The following SPATS2 variants were observed in gnomAD, a reference collection of about 807,000 sequenced individuals.
SPATS2 encodes spermatogenesis associated serine rich 2.
Under a neutral mutation model 63.7 loss-of-function variants are expected in SPATS2, and 38 were observed. The ratio of observed to expected loss-of-function variants is 0.60; its 90% confidence interval spans 0.46 to 0.78. The LOEUF is 0.78. Among genes scored for constraint, SPATS2 ranks in the 30% least tolerant of loss-of-function variants. The pLI is 0.00. For synonymous variants in SPATS2, 207 were observed against 232.9 expected, an observed-to-expected ratio of 0.89 and a Z score of 1.01; for missense variants, 588 against 666.2, an observed-to-expected ratio of 0.88 and a Z score of 1.29.
intron 2 of SPATS2, among the ~76,000 whole-genome samples, chr12:49,434,264 G>T (rs566150302): frequency 6.6e-6 from 1 of 152,180 alleles, no homozygotes; most frequent in South Asian, 2.1e-4. Context: ...GGCTATTTGG[G>T]ATCTATTACT....
chr12:49,439,947 C>G (rs1350514978), intron 2 of SPATS2, among the ~76,000 whole-genome samples: 1 of 152,084 alleles, frequency 6.6e-6, no homozygotes, highest in Admixed American at 6.6e-5. Context: ...AGTTAAGTTC[C>G]TGATACCCCA....
intron 2 of SPATS2, among the ~76,000 whole-genome samples, chr12:49,399,145 G>A (rs1944562530): frequency 6.6e-6 from 1 of 151,558 alleles, no homozygotes; most frequent in African/African-American, 2.4e-5. Flanking sequence ...TTCTCAAAGA[G>A]CATATAATTC....
chr12:49,473,441 C>G (rs1392320532), intron 3 of SPATS2, among the ~76,000 whole-genome samples: 2 of 152,014 alleles, frequency 1.3e-5, no homozygotes, highest in Non-Finnish European at 2.9e-5. Context: ...AAAAAAAAAT[C>G]TCAAACACTA....
intron 2 of SPATS2, chr12:49,454,361 A>G (rs1420218576): frequency 6.6e-6 from 1 of 152,290 alleles, no homozygotes; most frequent in Admixed American, 6.5e-5. Context: ...CACATCATAC[A>G]GCATTTACAG....
chr12:49,482,475 G>T (rs1210526892), intron 3 of SPATS2, among the ~76,000 whole-genome samples: 1 of 152,188 alleles, frequency 6.6e-6, no homozygotes, highest in African/African-American at 2.4e-5. Flanking sequence ...TTTGGCTCCT[G>T]TAACTGCTTC....
rs186949689 is a variant in SPATS2 at position 49,406,028 on chromosome 12, C to A, written c.-244+34738C>A. Among the ~76,000 whole-genome samples, 210 of 152,098 alleles carry A rather than the reference C, an allele frequency of 1.4e-3. 1 individual carries two copies. The highest frequency in any genetic ancestry group is 1.6e-3 in the Non-Finnish European group (111 of 67,992). On this transcript the variant is annotated intron_variant, in intron 2 of 13. Transcript: ENST00000552918. ...AGAACAATGCCTTTGGTTTGGGAGG[C>A]CGAGGCGGGTGGATCACTTGAGGTC...
chr12:49,428,865 C>T (rs988536420), intron 2 of SPATS2, among the ~76,000 whole-genome samples: 4 of 152,042 alleles, frequency 2.6e-5, no homozygotes, highest in Admixed American at 2.6e-4. Context: ...TTGCTGAGGA[C>T]CGGAGTTTTA....
chr12:49,418,308 T>A (rs182371487), intron 2 of SPATS2, among the ~76,000 whole-genome samples: 73 of 152,068 alleles, frequency 4.8e-4, no homozygotes, highest in East Asian at 2.5e-3. Context: ...AATTTAATTT[T>A]ATTTTTTTGA....
At chr12:49,487,710 G>T (rs559677766) in intron 4 of SPATS2, among the ~76,000 whole-genome samples, 12 of 151,826 alleles carry the variant, frequency 7.9e-5, no homozygotes, top group African/African-American at 2.9e-4. Flanking sequence ...CAGTCCTCCC[G>T]CCTCACCCTC....
intron 2 of SPATS2, among the ~76,000 whole-genome samples, chr12:49,430,735 C>CT (rs1945170626): frequency 6.6e-6 from 1 of 152,050 alleles, no homozygotes; most frequent in African/African-American, 2.4e-5. Context: ...GAATCTCTCT[C>CT]TGTCACCCAG....
intron 9 of SPATS2, among the ~76,000 whole-genome samples, chr12:49,506,323 A>AG (rs112647463): frequency 0.33 from 49,645 of 152,112 alleles, 11,176 homozygotes; most frequent in African/African-American, 0.64. Flanking sequence ...TCAAGGAAAG[A>AG]GTTTAATTGA....
rs1204526689 is a variant in SPATS2, at chr12:49,460,943, C to G, written c.-70C>G. On this transcript the variant is annotated 5_prime_UTR_variant, in exon 3 of 14. Coordinates refer to ENST00000552918, the MANE Select transcript of SPATS2 (RefSeq NM_023071.4). ...TTGCCCACTTTTAAATCAGAGATAC[C>G]TACACTCAAAACCCAGACAAGGCAA... is the stretch of plus-strand genomic sequence containing the variant. The G allele has an allele frequency of 1.9e-6, 3 of 1,583,862 alleles. No homozygotes were observed. Among genetic ancestry groups the G allele is most frequent in the Non-Finnish European group, 2.6e-6 (3 of 1,156,072 alleles).
chr12:49,513,875 G>C (rs1384776716), intron 9 of SPATS2, among the ~76,000 whole-genome samples: 1 of 152,152 alleles, frequency 6.6e-6, no homozygotes, highest in Non-Finnish European at 1.5e-5. Flanking sequence ...TATGAGTACA[G>C]GCCGGGCGCG....
At chr12:49,429,670 G>A (rs1310586139) in intron 2 of SPATS2, among the ~76,000 whole-genome samples, 1 of 152,014 alleles carries the variant, frequency 6.6e-6, no homozygotes, top group East Asian at 1.9e-4. Flanking sequence ...TGGCCAGGCT[G>A]GTCTTGAACT....
intron 3 of SPATS2, among the ~76,000 whole-genome samples, chr12:49,461,823 T>G (rs1945826685): frequency 1.3e-5 from 2 of 152,202 alleles, no homozygotes; most frequent in South Asian, 4.1e-4. Flanking sequence ...TAAACCAGAT[T>G]TGTAGTTGTA....
chr12:49,425,372 TC>T (rs2137443513), intron 2 of SPATS2, among the ~76,000 whole-genome samples: 1 of 152,278 alleles, frequency 6.6e-6, no homozygotes, highest in South Asian at 2.1e-4. Flanking sequence ...GTAGACAGGG[TC>T]TCACTCTGTT....
At position 49,398,335 on chromosome 12, in the gene SPATS2, C is replaced by A. The variant is rs147717423; in HGVS notation, c.-244+27045C>A. Among the ~76,000 whole-genome samples, 233 of 151,990 alleles carry A rather than the reference C, an allele frequency of 1.5e-3. 1 individual carries two copies. Among genetic ancestry groups the A allele is most frequent in the Middle Eastern group, 0.01 (3 of 292 alleles). ...TAAACAGGAGAATGACACGAACAGG[C>A]TTATGTTCAATGTAGAAGGATCCCC... On this transcript the variant is annotated intron_variant, in intron 2 of 13. Coordinates refer to ENST00000552918, the MANE Select transcript of SPATS2 (RefSeq NM_023071.4).
At chr12:49,451,572 AT>A (rs1368381614) in intron 2 of SPATS2, among the ~76,000 whole-genome samples, 1 of 152,198 alleles carries the variant, frequency 6.6e-6, no homozygotes, top group African/African-American at 2.4e-5. Context: ...TAGTTAAATT[AT>A]TTTCAGTAGA....
At chr12:49,446,740 C>A (rs934484121) in intron 2 of SPATS2, among the ~76,000 whole-genome samples, 2 of 152,182 alleles carry the variant, frequency 1.3e-5, no homozygotes, top group African/African-American at 4.8e-5. Flanking sequence ...TCCAGATAAT[C>A]CAGACTAATC....
Sources: gnomAD v4.1 joint callset for allele counts (sites outside exome capture counted in the v4.1 genomes callset) on GRCh38, gnomAD v4.1.1 for gene constraint, MANE v1.5 for transcripts, NCBI Gene and HGNC (gene_info 2026-07-23, HGNC 2026-07-21) for gene names.